Variants in ATG10 observed in about 807,000 individuals in gnomAD.
ATG10 encodes the protein ubiquitin-like-conjugating enzyme ATG10.
In ATG10, 30 loss-of-function variants were observed where a neutral mutation model predicts 32.1. The observed-to-expected ratio is 0.94, with a 90% CI of 0.70 to 1.27. ATG10 has a LOEUF of 1.27. Among genes scored for constraint, ATG10 ranks in the 50% most tolerant of loss-of-function variants. The pLI is 0.00. For missense variants in ATG10, 233 were observed against 262.3 expected, an observed-to-expected ratio of 0.89 and a Z score of 0.77; for synonymous variants, 87 against 91.5, an observed-to-expected ratio of 0.95 and a Z score of 0.28.
At chr5:82,043,893 T>C (rs1427637069) in intron 2 of ATG10, among the ~76,000 whole-genome samples, 1 of 152,058 alleles carries the variant, frequency 6.6e-6, no homozygotes, top group Non-Finnish European at 1.5e-5. Flanking sequence ...CTCTAGGAAG[T>C]TCCAAACTTT....
intron 5 of ATG10, among the ~76,000 whole-genome samples, chr5:82,241,291 A>AT (rs1232544952): frequency 6.6e-6 from 1 of 152,120 alleles, no homozygotes; most frequent in African/African-American, 2.4e-5. Context: ...TCATCATTAT[A>AT]TTTTGTCTGG....
At chr5:82,241,505 C>T (rs770556989) in intron 5 of ATG10, among the ~76,000 whole-genome samples, 1 of 152,156 alleles carries the variant, frequency 6.6e-6, no homozygotes, top group African/African-American at 2.4e-5. Context: ...TTGGCTAGCT[C>T]TCTGGTCTTA....
chr5:82,080,480 G>A (rs994180779), intron 3 of ATG10, among the ~76,000 whole-genome samples: 2 of 152,146 alleles, frequency 1.3e-5, no homozygotes, highest in Admixed American at 1.3e-4. Context: ...TTCTTCTAGG[G>A]TTTTTATGGT....
rs373484846 is a variant in ATG10 at position 82,077,016 on chromosome 5, A to G, written c.216+18414A>G. On this transcript the variant is annotated intron_variant, in intron 3 of 7. Transcript: ENST00000282185. ...GTAAATGATAGGTGTCTTCAGGGAG[A>G]AGGGAGAACAATAATTTTGAGATCC... is the stretch of plus-strand genomic sequence containing the variant. Among the ~76,000 whole-genome samples, 10 of 152,222 alleles carry G rather than the reference A, an allele frequency of 6.6e-5. No homozygotes were observed. The East Asian group carries it at 1.7e-3, about 26-fold the overall frequency.
At chr5:82,040,217 G>A (rs1763044341) in intron 2 of ATG10, among the ~76,000 whole-genome samples, 1 of 152,156 alleles carries the variant, frequency 6.6e-6, no homozygotes. Context: ...CTTGATGGGA[G>A]GAGTGTCACA....
chr5:82,087,056 A>C (rs1047505453), intron 3 of ATG10, among the ~76,000 whole-genome samples: 1 of 152,204 alleles, frequency 6.6e-6, no homozygotes, highest in Non-Finnish European at 1.5e-5. Flanking sequence ...CACTGGGTGC[A>C]GGATATTGTC....
Position 82,036,027 on chromosome 5 carries a change from C to T in ATG10, c.109-22468C>T, listed in dbSNP as rs545370268. On this transcript the variant is annotated intron_variant, in intron 2 of 7. Coordinates refer to ENST00000282185, the MANE Select transcript of ATG10 (RefSeq NM_031482.5). ...AAATATTCTTTTGTATTTTCCCCTACACCTTTATAATTTTAATTTTTGTAT... is the reference window on the plus strand; with the variant it reads ...AAATATTCTTTTGTATTTTCCCCTATACCTTTATAATTTTAATTTTTGTAT... 1.1e-4 allele frequency among the ~76,000 whole-genome samples: 17 copies of T among 152,150 alleles called. No individual in the cohort carries two copies. The South Asian group carries it at 3.3e-3, about 30-fold the overall frequency.
chr5:82,239,320 T>C (rs1299275160), intron 5 of ATG10, among the ~76,000 whole-genome samples: 1 of 152,204 alleles, frequency 6.6e-6, no homozygotes, highest in Non-Finnish European at 1.5e-5. Context: ...GTCTATGCGA[T>C]AAATTCCACA....
At chr5:82,141,147 C>T in intron 3 of ATG10, among the ~76,000 whole-genome samples, 1 of 145,090 alleles carries the variant, frequency 6.9e-6, no homozygotes, top group Non-Finnish European at 1.5e-5. Flanking sequence ...TGTTTATCTG[C>T]TGACCTTCCC....
intron 3 of ATG10, among the ~76,000 whole-genome samples, chr5:82,130,706 C>T (rs770684098): frequency 3.3e-5 from 5 of 152,074 alleles, no homozygotes; most frequent in African/African-American, 7.2e-5. Context: ...TGAGATGAGC[C>T]GGGCACGTCA....
chr5:82,090,103 A>G (rs1352127459), intron 3 of ATG10, among the ~76,000 whole-genome samples: 1 of 151,876 alleles, frequency 6.6e-6, no homozygotes, highest in Admixed American at 6.6e-5. Flanking sequence ...AAAAACAGTT[A>G]TAACACCAGA....
intron 2 of ATG10, among the ~76,000 whole-genome samples, chr5:82,016,805 C>T (rs1484310232): frequency 3.3e-5 from 5 of 152,006 alleles, no homozygotes; most frequent in African/African-American, 1.2e-4. Context: ...TCTCCTGCCT[C>T]AGCCTCCCAA....
chr5:81,986,313 A>T (rs1486720333), intron 1 of ATG10, among the ~76,000 whole-genome samples: 1 of 152,238 alleles, frequency 6.6e-6, no homozygotes, highest in African/African-American at 2.4e-5. Context: ...GCGCTTCGTG[A>T]TCAGCATGCT....
At chr5:81,974,028 G>A (rs1234634637) in intron 1 of ATG10, among the ~76,000 whole-genome samples, 1 of 152,202 alleles carries the variant, frequency 6.6e-6, no homozygotes, top group Non-Finnish European at 1.5e-5. Context: ...CATGTCGACA[G>A]TAGTTCCTGA....
At chr5:82,008,222 C>A (rs1414306932) in intron 2 of ATG10, among the ~76,000 whole-genome samples, 4 of 151,992 alleles carry the variant, frequency 2.6e-5, no homozygotes, top group Non-Finnish European at 4.4e-5. Context: ...AATATCATTT[C>A]TAGCTCCAGA....
At chr5:82,213,046 C>T (rs1416438381) in intron 5 of ATG10, among the ~76,000 whole-genome samples, 7 of 152,164 alleles carry the variant, frequency 4.6e-5, no homozygotes, top group Non-Finnish European at 7.4e-5. Flanking sequence ...CTCTCCAAAT[C>T]GTTACCAAGC....
intron 2 of ATG10, among the ~76,000 whole-genome samples, chr5:82,027,502 CAG>C (rs1420935294): frequency 6.6e-6 from 1 of 152,008 alleles, no homozygotes; most frequent in Admixed American, 6.6e-5. Context: ...TTGAAGTAAA[CAG>C]ATATAAATGA....
At chr5:82,006,908 C>T (rs1375483834) in intron 2 of ATG10, among the ~76,000 whole-genome samples, 6 of 152,076 alleles carry the variant, frequency 3.9e-5, no homozygotes, top group Admixed American at 6.6e-5. Context: ...GGCTGGAATG[C>T]GGTGGCATGA....
chr5:81,996,573 C>G (rs1352823787), intron 2 of ATG10, among the ~76,000 whole-genome samples: 1 of 152,186 alleles, frequency 6.6e-6, no homozygotes. Context: ...AGGCCATGCT[C>G]TAGACTCCAG....
Sources: allele counts gnomAD v4.1 joint callset (sites outside exome capture counted in the v4.1 genomes callset), GRCh38; gene constraint gnomAD v4.1.1; transcripts MANE v1.5; gene names NCBI Gene and HGNC (gene_info 2026-07-23, HGNC 2026-07-21).